The following TRMU variants were observed in gnomAD, a reference collection of about 807,000 sequenced individuals.
TRMU encodes the protein tRNA mitochondrial 2-thiouridylase, also known as mitochondrial tRNA-specific 2-thiouridylase 1.
TRMU carries 49 observed loss-of-function variants against 46.9 expected under a neutral mutation model. That is an observed-to-expected ratio of 1.05 (90% CI 0.83 to 1.33). The LOEUF (loss-of-function observed/expected upper bound fraction) is 1.33. TRMU is among the 40% of genes most tolerant of loss of function. The probability of loss-of-function intolerance (pLI) is 0.00; values close to 1 mark genes in which losing one functional copy is unlikely to be tolerated. For synonymous variants in TRMU, 241 were observed against 200.9 expected (o/e 1.20, Z -1.69); for missense variants, 572 against 532.4 (o/e 1.07, Z -0.73).
intron 3 of TRMU, among the ~76,000 whole-genome samples, chr22:46,343,569 C>T (rs1305768478): frequency 6.6e-6 from 1 of 152,014 alleles, no homozygotes; most frequent in African/African-American, 2.4e-5. Context: ...GAGATGGTGT[C>T]ACAACTGTAT....
chr22:46,346,381 T>C, intron 3 of TRMU, 41 bp from the exon 4 acceptor site: 3 of 1,602,388 alleles, frequency 1.9e-6, no homozygotes, highest in South Asian at 1.1e-5. Flanking sequence ...CCTGCAAGTA[T>C]GAGTCTAAAA....
chr22:46,351,417 C>A lies in TRMU; in HGVS notation c.652-704C>A, dbSNP rs866160261. Among the ~76,000 whole-genome samples, 1 of 152,196 alleles carries A rather than the reference C, an allele frequency of 6.6e-6. No individual in the cohort carries two copies. The highest frequency in any genetic ancestry group is 1.5e-5 in the Non-Finnish European group (1 of 68,030). ...CGAGGGCGCTGTGGGATGAGCCTCA[C>A]CTCTTCAGGGGCCAGTGCGGTGGGA... On this transcript the variant is annotated intron_variant, in intron 5 of 10. Transcript: ENST00000645190. The surrounding 1 kb of genome is among the most constrained non-coding windows in gnomAD (Gnocchi z 6.4).
At chr22:46,345,626 A>G (rs966919903) in intron 3 of TRMU, among the ~76,000 whole-genome samples, 1 of 152,216 alleles carries the variant, frequency 6.6e-6, no homozygotes, top group Non-Finnish European at 1.5e-5. Flanking sequence ...CCGTGGAATC[A>G]TGGTGTTACA....
chr22:46,355,631 G>C (rs1179092900), intron 9 of TRMU, 43 bp downstream of exon 9: 1 of 1,612,982 alleles, frequency 6.2e-7, no homozygotes, highest in East Asian at 2.2e-5. Context: ...CCTTGAAGCT[G>C]AGCTTCCTGA....
Position 46,338,437 on chromosome 22 carries a change from A to G in TRMU, c.248+493A>G, listed in dbSNP as rs548041011. Reference sequence around the variant, plus strand: ...CTAGGCGTGTGCCACATCTAGGAACATTAAGATGTCTTCACTGTGACCTGG... The same window carrying G: ...CTAGGCGTGTGCCACATCTAGGAACGTTAAGATGTCTTCACTGTGACCTGG... On this transcript the variant is annotated intron_variant, in intron 2 of 10. Transcript: ENST00000645190. This position sits in a 1 kb window ranked among gnomAD's most constrained non-coding sequence, Gnocchi z 4.5. 2.6e-5 allele frequency among the ~76,000 whole-genome samples: 4 copies of G among 152,266 alleles called. No individual in the cohort carries two copies. Among genetic ancestry groups the G allele is most frequent in the East Asian group, 1.9e-4 (1 of 5,202 alleles).
At position 46,342,208 on chromosome 22, in the gene TRMU, T is replaced by G. The variant is rs1457174015; in HGVS notation, c.249-1054T>G. Among the ~76,000 whole-genome samples the G allele has an allele frequency of 2.0e-5, 3 of 152,192 alleles. No individual in the cohort carries two copies. Among genetic ancestry groups the G allele is most frequent in the Admixed American group, 1.3e-4 (2 of 15,282 alleles). ...GAACTTATGACCAACTGGCTTCCAG[T>G]TGGGATTCCCATAACTTCCTCTTTG... On this transcript the variant is annotated intron_variant, in intron 2 of 10. Transcript: ENST00000645190. The surrounding 1 kb of genome is among the most constrained non-coding windows in gnomAD (Gnocchi z 4.7).
intron 9 of TRMU, 124 bp from the exon 10 acceptor site, chr22:46,355,866 C>T: frequency 8.5e-7 from 1 of 1,173,184 alleles, no homozygotes; most frequent in South Asian, 1.3e-5. Flanking sequence ...CAGGCTGGTG[C>T]CCTGCCCTTC....
At position 46,357,087 on chromosome 22, in the gene TRMU, C is replaced by T. The variant is rs2078637237; in HGVS notation, c.*81C>T. On this transcript the variant is annotated 3_prime_UTR_variant, in exon 11 of 11. Coordinates refer to ENST00000645190, the MANE Select transcript of TRMU (RefSeq NM_018006.5). ...GGTGAGCAGTCCAGGTGCCCAAGGG[C>T]CAGCTTGCTGCTGCCCAAAGCAGAG... is the stretch of plus-strand genomic sequence containing the variant. The T allele has an allele frequency of 6.3e-7, 1 of 1,582,652 alleles. No individual in the cohort carries two copies. Among genetic ancestry groups the T allele is most frequent in the Non-Finnish European group, 8.6e-7 (1 of 1,161,028 alleles).
At position 46,335,782 on chromosome 22, in the gene TRMU, C is replaced by T. The variant is rs527315924; in HGVS notation, c.18C>T (p.His6=). ...ACTGGCGGATGCAGGCCTTGCGGCA[C>T]GTCGTGTGCGCCCTGTCCGGCGGCG... The part of the protein sequence containing the change: MQALR[H]VVCALSGGVD... The change falls in exon 1 of 11, where the codon CAC becomes CAT. Residue 6 remains histidine (H), a synonymous_variant. Transcript: ENST00000645190. 19 of 1,556,390 alleles carry T rather than the reference C, an allele frequency of 1.2e-5. No homozygotes were observed. Among genetic ancestry groups the T allele is most frequent in the Admixed American group, 1.1e-4 (6 of 52,912 alleles).
Position 46,338,267 on chromosome 22 carries a change from G to T in TRMU, c.248+323G>T. 2.6e-6 allele frequency: 1 copy of T among 380,196 alleles called. No individual in the cohort carries two copies. Among genetic ancestry groups the T allele is most frequent in the South Asian group, 2.3e-5 (1 of 43,748 alleles). 23.6% of individuals were successfully genotyped at this position (380,196 alleles called of 1,614,324 possible). On this transcript the variant is annotated intron_variant, in intron 2 of 10. Coordinates refer to ENST00000645190, the MANE Select transcript of TRMU (RefSeq NM_018006.5). This position sits in a 1 kb window ranked among gnomAD's most constrained non-coding sequence, Gnocchi z 4.5. Reference sequence around the variant, plus strand: ...AAGGCTGAGGGCTCCCCTGGAAGGTGAGCACCAATGCCTGTGTGCTATGTG... The same window carrying T: ...AAGGCTGAGGGCTCCCCTGGAAGGTTAGCACCAATGCCTGTGTGCTATGTG...
Position 46,357,151 on chromosome 22 carries a change from G to GC in TRMU, c.*148dup. ...CTGAGGGTCCGAAAAGCCTGCAGGG[G>GC]CCCGGCGAGCCCCAGGAAGAGCCTC... is the stretch of plus-strand genomic sequence containing the variant. On this transcript the variant is annotated 3_prime_UTR_variant, in exon 11 of 11. Coordinates refer to ENST00000645190, the MANE Select transcript of TRMU (RefSeq NM_018006.5). 1 of 1,080,770 alleles carries GC rather than the reference G, an allele frequency of 9.3e-7. No homozygotes were observed. The highest frequency in any genetic ancestry group is 1.4e-6 in the Non-Finnish European group (1 of 737,834). 66.9% of individuals were successfully genotyped at this position (1,080,770 alleles called of 1,614,324 possible). A position where few individuals can be genotyped will look rare whatever the true frequency, so the allele number is the denominator to read the frequency against.
intron 7 of TRMU, 47 bp from the exon 8 acceptor site, chr22:46,353,720 G>A (rs1024901799): frequency 6.4e-7 from 1 of 1,573,560 alleles, no homozygotes; most frequent in Non-Finnish European, 8.7e-7. Flanking sequence ...GTGACATGTG[G>A]GCTGTAACTT....
intron 7 of TRMU, chr22:46,352,751 C>G (rs370038182): frequency 9.0e-6 from 3 of 332,964 alleles, no homozygotes; most frequent in African/African-American, 4.3e-5. Context: ...ATCAGGCGTC[C>G]GCGCTGGCCA....
intron 2 of TRMU, among the ~76,000 whole-genome samples, chr22:46,340,235 G>A (rs1345045516): frequency 2.0e-5 from 3 of 152,150 alleles, no homozygotes; most frequent in African/African-American, 7.2e-5. Context: ...TTTGAGAAAA[G>A]GTGTGATGCG....
intron 2 of TRMU, among the ~76,000 whole-genome samples, chr22:46,340,430 G>T (rs114486778): frequency 6.6e-6 from 1 of 152,222 alleles, no homozygotes; most frequent in African/African-American, 2.4e-5. Flanking sequence ...TTTTCAGAAC[G>T]TACGAGTGGA....
intron 10 of TRMU, 175 bp downstream of exon 10, chr22:46,356,247 A>G (rs1299333992): frequency 1.2e-5 from 8 of 652,808 alleles, no homozygotes; most frequent in East Asian, 1.1e-4. Flanking sequence ...CACAGTGACA[A>G]CTGTGAGAGG....
At chr22:46,356,204 G>C (rs918070021) in intron 10 of TRMU, 132 bp downstream of exon 10, 2 of 958,424 alleles carry the variant, frequency 2.1e-6, no homozygotes, top group African/African-American at 3.2e-5. Context: ...GGTGAGGGCA[G>C]AGTGCCACCA....
rs1345830928 is a variant in TRMU at position 46,335,755 on chromosome 22, C to T, written c.-10C>T. ...GGTAGCTGCAGCTGGCGAAGTTGGG[C>T]GACTGGCGGATGCAGGCCTTGCGGC... On this transcript the variant is annotated 5_prime_UTR_variant, in exon 1 of 11. Coordinates refer to ENST00000645190, the MANE Select transcript of TRMU (RefSeq NM_018006.5). 9 of 1,548,904 alleles carry T rather than the reference C, an allele frequency of 5.8e-6. No individual in the cohort carries two copies. The highest frequency in any genetic ancestry group is 1.8e-4 in the Middle Eastern group (1 of 5,702).
rs959727920 is a variant in TRMU, at chr22:46,355,687, C to A, written c.1018+99C>A. The A allele has an allele frequency of 2.4e-5, 38 of 1,581,238 alleles. No individual in the cohort carries two copies. In the African/African-American group the frequency reaches 4.0e-4, roughly 17 times the overall value. On this transcript the variant is annotated intron_variant, in intron 9 of 10. Transcript: ENST00000645190. ...TGGGAGACCCTGGGGTAGGAAAGTC[C>A]CGTTGTGGAGATCATTTGGAGATTA...
Sources: allele counts gnomAD v4.1 joint callset (sites outside exome capture counted in the v4.1 genomes callset), GRCh38; gene constraint gnomAD v4.1.1; non-coding constraint Gnocchi (gnomAD v3.1); transcripts MANE v1.5; gene names NCBI Gene and HGNC (gene_info 2026-07-23, HGNC 2026-07-21).